Variants in UGT2A1 observed in about 807,000 individuals in gnomAD.
The protein encoded by UGT2A1 is UDP-glucuronosyltransferase 2A1.
Under a neutral mutation model 45.4 loss-of-function variants are expected in UGT2A1, and 61 were observed. That is an observed-to-expected ratio of 1.34 (90% CI 1.09 to 1.66). UGT2A1 has a LOEUF of 1.66. UGT2A1 is among the 40% of genes most tolerant of loss of function. UGT2A1 has a pLI of 0.00. For missense variants in UGT2A1, 649 were observed against 574.3 expected (o/e 1.13, Z -1.33); for synonymous variants, 229 against 196.2 (o/e 1.17, Z -1.40).
Position 69,647,553 on chromosome 4 carries a change from C to T in UGT2A1, c.92G>A (p.Ser31Asn). The change falls in exon 2 of 7, where the codon AGT becomes AAT. Residue 31 changes from serine to asparagine, a missense_variant. Ser to Asn is a conservative substitution (Grantham distance 46). Transcript: ENST00000286604. ...GNVLIWPMEGSHWLNVKIIID... is the reference protein window; with the variant it reads ...GNVLIWPMEGNHWLNVKIIID... ...AATTATCTTAACATTTAGCCAATGA[C>T]TACCTTCCATTGGCCAAATCAAAAC... 1 of 1,612,466 alleles carries T rather than the reference C, an allele frequency of 6.2e-7. No individual in the cohort carries two copies. The highest frequency in any genetic ancestry group is 8.5e-7 in the Non-Finnish European group (1 of 1,179,090).
rs997962433 is a variant in UGT2A1 at position 69,629,695 on chromosome 4, G to A, written c.847+5996C>T. ...TAAATAAATCCTGTACAACTCTACT[G>A]GAAGAGGACCCCTGCAAGCTTGCAA... is the stretch of plus-strand genomic sequence containing the variant. On this transcript the variant is annotated intron_variant, in intron 3 of 6. Coordinates refer to ENST00000286604, the MANE Select transcript of UGT2A1 (RefSeq NM_001252275.3). Among the ~76,000 whole-genome samples the A allele has an allele frequency of 2.0e-5, 3 of 152,092 alleles. No homozygotes were observed. In the South Asian group the frequency reaches 6.3e-4, roughly 32 times the overall value.
chr4:69,610,192 G>A (rs1719953510), intron 3 of UGT2A1, among the ~76,000 whole-genome samples: 1 of 152,004 alleles, frequency 6.6e-6, no homozygotes. Flanking sequence ...ATTTTTAAAT[G>A]TGCAAAAATT....
intron 3 of UGT2A1, among the ~76,000 whole-genome samples, chr4:69,622,188 A>G (rs553574676): frequency 3.6e-4 from 55 of 152,028 alleles, no homozygotes; most frequent in African/African-American, 1.3e-3. Flanking sequence ...AAAATTTAAC[A>G]TATGAGCTTA....
At chr4:69,645,073 A>G (rs184330259) in intron 2 of UGT2A1, among the ~76,000 whole-genome samples, 16 of 151,826 alleles carry the variant, frequency 1.1e-4, no homozygotes, top group Admixed American at 2.0e-4. Flanking sequence ...ATGTTCATTC[A>G]TTAGCTAGTA....
At chr4:69,594,028 G>T (rs377101781) in intron 6 of UGT2A1, among the ~76,000 whole-genome samples, 9 of 138,128 alleles carry the variant, frequency 6.5e-5, no homozygotes, top group African/African-American at 2.4e-4. Context: ...AGGCTGGAGT[G>T]CAGTGGCACA....
intron 3 of UGT2A1, among the ~76,000 whole-genome samples, chr4:69,600,869 G>A (rs967027351): frequency 6.6e-6 from 1 of 151,888 alleles, no homozygotes; most frequent in Non-Finnish European, 1.5e-5. Flanking sequence ...TACCAAGGGA[G>A]GATGGCGCTA....
At chr4:69,599,503 T>C in intron 3 of UGT2A1, 109 bp from the exon 4 acceptor site, 1 of 1,470,094 alleles carries the variant, frequency 6.8e-7, no homozygotes, top group South Asian at 1.3e-5. Flanking sequence ...AAAACTGAAT[T>C]AGGTCTTCTA....
At chr4:69,629,226 A>G (rs1721253238) in intron 3 of UGT2A1, among the ~76,000 whole-genome samples, 1 of 152,040 alleles carries the variant, frequency 6.6e-6, no homozygotes, top group Admixed American at 6.6e-5. Flanking sequence ...GGAGCCAGGT[A>G]ATACAGTCAA....
At chr4:69,639,766 G>A in intron 2 of UGT2A1, 4 of 898,512 alleles carry the variant, frequency 4.5e-6, no homozygotes, top group Non-Finnish European at 6.2e-6. Context: ...TAGATTAAAA[G>A]GTAAATAATA....
At position 69,647,716 on chromosome 4, in the gene UGT2A1, G is replaced by A; in HGVS notation, c.-54-18C>T. 1 of 1,128,270 alleles carries A rather than the reference G, an allele frequency of 8.9e-7. No homozygotes were observed. Among genetic ancestry groups the A allele is most frequent in the Non-Finnish European group, 1.2e-6 (1 of 821,244 alleles). The allele number at this position is 1,128,270 out of a possible 1,614,324, so 69.9% of individuals were successfully genotyped here. A position where few individuals can be genotyped will look rare whatever the true frequency, so the allele number is the denominator to read the frequency against. The stretch of plus-strand genomic sequence containing the variant: ...TTTCTCTGCTTTTAAAGAAAAAAAG[G>A]AAAGACAAAATTATTTCTCAATTTT... On this transcript the variant is annotated intron_variant, in intron 1 of 6. Coordinates refer to ENST00000286604, the MANE Select transcript of UGT2A1 (RefSeq NM_001252275.3).
At position 69,589,553 on chromosome 4, in the gene UGT2A1, T is replaced by C. The variant is rs756392602; in HGVS notation, c.1403A>G (p.His468Arg). 2 of 1,614,054 alleles carry C rather than the reference T, an allele frequency of 1.2e-6. No homozygotes were observed. Among genetic ancestry groups the C allele is most frequent in the African/African-American group, 1.3e-5 (1 of 75,014 alleles). Residue 468 changes from histidine to arginine, a missense_variant, in exon 7 of 7, where the codon CAC becomes CGC. Coordinates refer to ENST00000286604, the MANE Select transcript of UGT2A1 (RefSeq NM_001252275.3). ...AVFWIEFVMR[H>R]KGAKHLRVAA... ...AACCCGAAGGTGCTTGGCTCCTTTG[T>C]GGCGCATGACAAACTCGATCCAGAA...
At chr4:69,623,367 A>T (rs1012505106) in intron 3 of UGT2A1, among the ~76,000 whole-genome samples, 1 of 151,742 alleles carries the variant, frequency 6.6e-6, no homozygotes, top group African/African-American at 2.4e-5. Flanking sequence ...AATACAAGTA[A>T]TTTTTGTGAG....
chr4:69,599,602 A>G (rs755699120), intron 3 of UGT2A1: 3 of 574,234 alleles, frequency 5.2e-6, no homozygotes, highest in Non-Finnish European at 7.9e-6. Flanking sequence ...GAAGGAAGGA[A>G]GGGAGGAAGG....
At chr4:69,637,702 A>G (rs1466632249) in intron 2 of UGT2A1, among the ~76,000 whole-genome samples, 1 of 152,166 alleles carries the variant, frequency 6.6e-6, no homozygotes, top group East Asian at 1.9e-4. Flanking sequence ...AAATTTATAT[A>G]TTTATTTTAT....
At chr4:69,599,166 T>C (rs534336875) in intron 4 of UGT2A1, 80 bp downstream of exon 4, 2 of 1,473,084 alleles carry the variant, frequency 1.4e-6, no homozygotes, top group Non-Finnish European at 1.8e-6. Flanking sequence ...CATTTATTTG[T>C]TATTGAGGCT....
chr4:69,613,748 G>A (rs961304483), intron 3 of UGT2A1, among the ~76,000 whole-genome samples: 6 of 151,948 alleles, frequency 3.9e-5, no homozygotes, highest in African/African-American at 7.2e-5. Context: ...ATTTGATGAT[G>A]AGAAAAATAT....
In UGT2A1 at chr4:69,589,272, A is replaced by T; in HGVS notation, c.*100T>A. On this transcript the variant is annotated 3_prime_UTR_variant, in exon 7 of 7. Coordinates refer to ENST00000286604, the MANE Select transcript of UGT2A1 (RefSeq NM_001252275.3). ...AGAAAATTTGGAAACAGGATGGGAG[A>T]CGTGTTTTTGTTAAACTCCTTTTGT... is the stretch of plus-strand genomic sequence containing the variant. 1 of 1,368,474 alleles carries T rather than the reference A, an allele frequency of 7.3e-7. No homozygotes were observed. Among genetic ancestry groups the T allele is most frequent in the Non-Finnish European group, 9.6e-7 (1 of 1,039,400 alleles). The allele number at this position is 1,368,474 out of a possible 1,614,324, so 84.8% of individuals were successfully genotyped here.
intron 3 of UGT2A1, among the ~76,000 whole-genome samples, chr4:69,630,648 A>T (rs780828323): frequency 6.6e-6 from 1 of 152,176 alleles, no homozygotes; most frequent in Non-Finnish European, 1.5e-5. Flanking sequence ...AAAATGAGAC[A>T]TGTACTTTCA....
In UGT2A1 at chr4:69,607,444, T is replaced by G. The variant is rs557818228; in HGVS notation, c.848-8050A>C. On this transcript the variant is annotated intron_variant, in intron 3 of 6. Transcript: ENST00000286604. The stretch of plus-strand genomic sequence containing the variant: ...CAAGCTGGATTAAAGACTTACATGT[T>G]AGACCTAAAACCATAAAAACCCTAG... Among the ~76,000 whole-genome samples the G allele has an allele frequency of 1.7e-4, 26 of 152,088 alleles. No individual in the cohort carries two copies. In the South Asian group the frequency reaches 5.4e-3, roughly 32 times the overall value.
Sources: gnomAD v4.1 joint callset for allele counts (sites outside exome capture counted in the v4.1 genomes callset) on GRCh38, gnomAD v4.1.1 for gene constraint, MANE v1.5 for transcripts, NCBI Gene and HGNC (gene_info 2026-07-23, HGNC 2026-07-21) for gene names.